The following DLG5 variants were observed in gnomAD, a reference collection of about 807,000 sequenced individuals.
DLG5 encodes discs large MAGUK scaffold protein 5, also known as disks large homolog 5.
In DLG5, 48 loss-of-function variants were observed where a neutral mutation model predicts 189.8. The observed-to-expected ratio is 0.25, with a 90% CI of 0.20 to 0.32. The LOEUF (loss-of-function observed/expected upper bound fraction) is 0.32. Among genes scored for constraint, DLG5 ranks in the 10% least tolerant of loss-of-function variants. The probability of loss-of-function intolerance (pLI) is 1.00; values close to 1 mark genes in which losing one functional copy is unlikely to be tolerated. For synonymous variants in DLG5, 1,016 were observed against 1,054.1 expected (o/e 0.96, Z 0.70); for missense variants, 2,160 against 2,544.7 (o/e 0.85, Z 3.25).
chr10:77,890,070 C>A (rs537644110), intron 1 of DLG5, among the ~76,000 whole-genome samples: 30 of 152,104 alleles, frequency 2.0e-4, no homozygotes, highest in African/African-American at 7.2e-4. Context: ...CAGGGAAGAA[C>A]CAAGAGTTGC....
chr10:77,930,044 C>T (rs1846771842), upstream of DLG5, among the ~76,000 whole-genome samples: 2 of 152,198 alleles, frequency 1.3e-5, no homozygotes, highest in Admixed American at 6.5e-5. Context: ...AAAAAGAGAG[C>T]TCCTTGTCTT....
chr10:77,820,461 G>A lies in DLG5; in HGVS notation c.3403-443C>T, dbSNP rs148295385. On this transcript the variant is annotated intron_variant, in intron 15 of 31. Coordinates refer to ENST00000372391, the MANE Select transcript of DLG5 (RefSeq NM_004747.4). Reference sequence around the variant, plus strand: ...GGGGCACAGGAAGGGACATGAATGGGAACGCTGCCCATTCATGTTGCCTTA... The same window carrying A: ...GGGGCACAGGAAGGGACATGAATGGAAACGCTGCCCATTCATGTTGCCTTA... 916 of 165,324 alleles carry A rather than the reference G, an allele frequency of 5.5e-3. 8 individuals are homozygous for A. The highest frequency in any genetic ancestry group is 0.024 in the East Asian group (129 of 5,346). 10.2% of individuals were successfully genotyped at this position (165,324 alleles called of 1,614,324 possible).
chr10:77,861,535 T>TACACG (rs1844471926), intron 2 of DLG5, among the ~76,000 whole-genome samples: 4 of 152,182 alleles, frequency 2.6e-5, no homozygotes, highest in Admixed American at 2.6e-4. Context: ...TCTCCAGACG[T>TACACG]CTCAGTCTAC....
At chr10:77,932,149 A>G in the DLG5 span, among the ~76,000 whole-genome samples, 150 of 152,338 alleles carry the variant, frequency 9.8e-4, no homozygotes, top group African/African-American at 3.3e-3. Context: ...CTAGTGCTGA[A>G]TCCGTGGTAA....
intron 13 of DLG5, among the ~76,000 whole-genome samples, chr10:77,825,383 C>A (rs968964140): frequency 7.1e-6 from 1 of 141,158 alleles, no homozygotes; most frequent in African/African-American, 2.8e-5. Context: ...ACCACACACA[C>A]ACACACACAC....
At chr10:77,918,194 T>C (rs1283221134) in intron 1 of DLG5, among the ~76,000 whole-genome samples, 1 of 152,064 alleles carries the variant, frequency 6.6e-6, no homozygotes, top group Non-Finnish European at 1.5e-5. Context: ...GCGGACCATT[T>C]GAGGTCAGGA....
At chr10:77,924,983 C>G (rs1431067075) in intron 1 of DLG5, among the ~76,000 whole-genome samples, 1 of 152,174 alleles carries the variant, frequency 6.6e-6, no homozygotes, top group Non-Finnish European at 1.5e-5. Context: ...CAGCCTTTGA[C>G]CTTCAGGTTG....
chr10:77,819,208 C>T (rs1842209076), intron 17 of DLG5, 113 bp downstream of exon 17: 1 of 1,504,194 alleles, frequency 6.6e-7, no homozygotes, highest in African/African-American at 1.4e-5. Flanking sequence ...AGTCCCCTCC[C>T]AGGCAGGCAA....
At chr10:77,931,517 T>C (rs1846786250), upstream of DLG5, among the ~76,000 whole-genome samples, 1 of 152,088 alleles carries the variant, frequency 6.6e-6, no homozygotes, top group Non-Finnish European at 1.5e-5. Flanking sequence ...CCCAACGTGC[T>C]GGGATTACAG....
chr10:77,805,987 T>A, intron 26 of DLG5, 126 bp from the exon 27 acceptor site: 1 of 925,680 alleles, frequency 1.1e-6, no homozygotes, highest in Non-Finnish European at 1.6e-6. Context: ...CCTTGGCAGG[T>A]CTCAAGGCTA....
At position 77,821,804 on chromosome 10, in the gene DLG5, A is replaced by T; in HGVS notation, c.2680T>A (p.Ser894Thr). 2 of 1,612,690 alleles carry T rather than the reference A, an allele frequency of 1.2e-6. No homozygotes were observed. Among genetic ancestry groups the T allele is most frequent in the Non-Finnish European group, 8.5e-7 (1 of 1,179,446 alleles). The change falls in exon 15 of 32, where the codon TCC (serine) becomes ACC (threonine). Residue 894 changes from serine (S) to threonine (T), a missense_variant. This residue lies in a region of DLG5 where 754 missense variants were observed against 746.5 expected (regional missense o/e 1.01). Transcript: ENST00000372391. Reference sequence around the variant, plus strand: ...TCCCCAGAGGCATCTGAGCGGAAGGAGCTCAGGCTACGCTCAGAGGCACTG... The same window carrying T: ...TCCCCAGAGGCATCTGAGCGGAAGGTGCTCAGGCTACGCTCAGAGGCACTG... ...CPSASERSLS[S>T]FRSDASGDRG...
At chr10:77,859,568 A>G (rs905389053) in intron 2 of DLG5, among the ~76,000 whole-genome samples, 5 of 152,230 alleles carry the variant, frequency 3.3e-5, no homozygotes, top group Non-Finnish European at 7.3e-5. Context: ...CGTAGCCAGT[A>G]CAGTACCATG....
intron 13 of DLG5, among the ~76,000 whole-genome samples, chr10:77,828,024 T>C (rs1370292789): frequency 6.6e-6 from 1 of 152,218 alleles, no homozygotes; most frequent in East Asian, 1.9e-4. Flanking sequence ...CTTGGCTGTT[T>C]TACAACAAAC....
chr10:77,807,487 A>C lies in DLG5; in HGVS notation c.4796+309T>G, dbSNP rs1841534981. ...CACACACACTGCAGAGGGATCTGCA[A>C]ACCTGGCTTGGGGGACACCAGAAAA... On this transcript the variant is annotated intron_variant, in intron 25 of 31. Coordinates refer to ENST00000372391, the MANE Select transcript of DLG5 (RefSeq NM_004747.4). Among the ~76,000 whole-genome samples, 3 of 152,216 alleles carry C rather than the reference A, an allele frequency of 2.0e-5. 1 individual carries two copies. Among genetic ancestry groups the C allele is most frequent in the Non-Finnish European group, 1.5e-5 (1 of 68,036 alleles).
chr10:77,823,793 G>A (rs533612999), intron 14 of DLG5, among the ~76,000 whole-genome samples: 54 of 152,118 alleles, frequency 3.5e-4, no homozygotes, highest in African/African-American at 1.3e-3. Context: ...CCAAAGTGCT[G>A]GGATTACAGG....
Position 77,792,349 on chromosome 10 carries a change from G to A in DLG5, c.*91C>T, listed in dbSNP as rs1058203. The stretch of plus-strand genomic sequence containing the variant: ...ATCCTTCCCCCGCATGTTCATAGAC[G>A]GACAGACTTCTACTTTCAGTCGCTA... On this transcript the variant is annotated 3_prime_UTR_variant, in exon 32 of 32. Transcript: ENST00000372391. 369,849 of 1,277,010 alleles carry A rather than the reference G, an allele frequency of 0.29. 55,874 individuals are homozygous for A. Among genetic ancestry groups the A allele is most frequent in the Admixed American group, 0.45 (26,222 of 58,802 alleles). The allele number at this position is 1,277,010 out of a possible 1,614,324, so 79.1% of individuals were successfully genotyped here.
chr10:77,801,404 T>C (rs1476283191), intron 27 of DLG5, among the ~76,000 whole-genome samples: 1 of 140,102 alleles, frequency 7.1e-6, no homozygotes, highest in Admixed American at 7.9e-5. Context: ...GGCTGAATCA[T>C]GGAGAGAAAG....
At chr10:77,868,641 GT>G in intron 2 of DLG5, 1 of 225,080 alleles carries the variant, frequency 4.4e-6, no homozygotes, top group Non-Finnish European at 8.8e-6. Context: ...GGTCACAGAG[GT>G]GTGGGAAGCC....
chr10:77,909,167 C>T (rs891622546), intron 1 of DLG5, among the ~76,000 whole-genome samples: 2 of 152,156 alleles, frequency 1.3e-5, no homozygotes, highest in African/African-American at 4.8e-5. Flanking sequence ...CTGGGCTCCA[C>T]CCTAAAGCTT....
Sources: allele counts gnomAD v4.1 joint callset (sites outside exome capture counted in the v4.1 genomes callset), GRCh38; gene constraint gnomAD v4.1.1; regional missense constraint gnomAD v4.1.1; transcripts MANE v1.5; gene names NCBI Gene and HGNC (gene_info 2026-07-23, HGNC 2026-07-21).